The following FAM167A variants were observed in gnomAD, a reference collection of about 807,000 sequenced individuals.
The protein encoded by FAM167A is family with sequence similarity 167 member A, also known as protein FAM167A.
In FAM167A, 23 loss-of-function variants were observed where a neutral mutation model predicts 14.9. The observed-to-expected ratio is 1.55, with a 90% CI of 1.11 to 2.19. The LOEUF (loss-of-function observed/expected upper bound fraction) is 2.19. FAM167A is among the 30% of genes most tolerant of loss of function. The pLI is 0.00. For missense variants in FAM167A, 401 were observed against 281.5 expected, an observed-to-expected ratio of 1.42 and a Z score of -3.04; for synonymous variants, 174 against 117.7, an observed-to-expected ratio of 1.48 and a Z score of -3.10.
At chr8:11,429,395 T>G (rs1418240790) in intron 2 of FAM167A, among the ~76,000 whole-genome samples, 1 of 152,176 alleles carries the variant, frequency 6.6e-6, no homozygotes, top group East Asian at 1.9e-4. Flanking sequence ...CTGCGCCAGT[T>G]CAGGAGAGCA....
intron 2 of FAM167A, among the ~76,000 whole-genome samples, chr8:11,425,587 C>T (rs1434744767): frequency 6.6e-6 from 1 of 152,162 alleles, no homozygotes; most frequent in Non-Finnish European, 1.5e-5. Context: ...CAAGCCCGCT[C>T]TTCATCAAGA....
Position 11,440,515 on chromosome 8 carries a change from C to T in FAM167A, c.381+3516G>A, listed in dbSNP as rs577349384. ...GCCTTTTAGCTGGTCTTGCAGGAGG[C>T]GGGAGCAGATTAAGACGATGCTTCC... On this transcript the variant is annotated intron_variant, in intron 2 of 2. Coordinates refer to ENST00000284486, the MANE Select transcript of FAM167A (RefSeq NM_053279.3). 4.9e-3 allele frequency among the ~76,000 whole-genome samples: 753 copies of T among 152,274 alleles called. 3 individuals carry two copies. The highest frequency in any genetic ancestry group is 8.1e-3 in the Non-Finnish European group (550 of 68,020).
At position 11,423,277 on chromosome 8, in the gene FAM167A, G is replaced by C. The variant is rs922671993; in HGVS notation, c.*1096C>G. The C allele has an allele frequency of 6.6e-6, 1 of 152,530 alleles. No homozygotes were observed. The highest frequency in any genetic ancestry group is 2.4e-5 in the African/African-American group (1 of 41,578). 9.4% of individuals were successfully genotyped at this position (152,530 alleles called of 1,614,324 possible). The stretch of plus-strand genomic sequence containing the variant: ...TCTTAACTTGCTGATCCTCAAGCCT[G>C]TTGGGAGGGAGAAACTCTTAAAATC... On this transcript the variant is annotated 3_prime_UTR_variant, in exon 3 of 3. Transcript: ENST00000284486.
intron 2 of FAM167A, among the ~76,000 whole-genome samples, chr8:11,436,334 A>T (rs1806011796): frequency 6.6e-6 from 1 of 152,116 alleles, no homozygotes; most frequent in African/African-American, 2.4e-5. Context: ...TCCCCTGGAG[A>T]GCAAGTGGGG....
At chr8:11,462,324 A>T (rs952120521) in intron 1 of FAM167A, among the ~76,000 whole-genome samples, 2 of 152,120 alleles carry the variant, frequency 1.3e-5, no homozygotes, top group African/African-American at 4.8e-5. Context: ...AACAGATTCA[A>T]CCCTCCTAGG....
chr8:11,465,170 G>A (rs1041143450), intron 1 of FAM167A, among the ~76,000 whole-genome samples: 2 of 152,180 alleles, frequency 1.3e-5, no homozygotes, highest in Admixed American at 6.5e-5. Flanking sequence ...GCTCCACAGG[G>A]TTCCTCAAGC....
At chr8:11,452,685 CAG>C (rs1036051114) in intron 1 of FAM167A, among the ~76,000 whole-genome samples, 1 of 152,208 alleles carries the variant, frequency 6.6e-6, no homozygotes, top group Non-Finnish European at 1.5e-5. Context: ...GGTGAGGAAA[CAG>C]ATAACTTTTC....
intron 1 of FAM167A, among the ~76,000 whole-genome samples, chr8:11,473,336 C>G (rs985408836): frequency 6.6e-6 from 1 of 151,964 alleles, no homozygotes; most frequent in African/African-American, 2.4e-5. Flanking sequence ...TCAGGAAGGC[C>G]GAGACATGAG....
Position 11,444,224 on chromosome 8 carries a change from G to C in FAM167A, c.188C>G (p.Pro63Arg), listed in dbSNP as rs147319341. ...LEEHTWPFPRPAAEPQASLEE... is the reference protein window; with the variant it reads ...LEEHTWPFPRRAAEPQASLEE... Reference sequence around the variant, plus strand: ...CAAGCTCGCCTGTGGCTCCGCAGCCGGCCTCGGGAAGGGCCAGGTATGCTC... The same window carrying C: ...CAAGCTCGCCTGTGGCTCCGCAGCCCGCCTCGGGAAGGGCCAGGTATGCTC... The change falls in exon 2 of 3, where the codon CCG becomes CGG. Residue 63 changes from proline (P) to arginine (R), a missense_variant. Coordinates refer to ENST00000284486, the MANE Select transcript of FAM167A (RefSeq NM_053279.3). 3 of 1,612,186 alleles carry C rather than the reference G, an allele frequency of 1.9e-6. No homozygotes were observed. Among genetic ancestry groups the C allele is most frequent in the Non-Finnish European group, 1.7e-6 (2 of 1,179,792 alleles).
intron 2 of FAM167A, among the ~76,000 whole-genome samples, chr8:11,443,189 G>T (rs1259863752): frequency 1.3e-5 from 2 of 152,194 alleles, no homozygotes; most frequent in Admixed American, 6.5e-5. Flanking sequence ...GTGCTGCTGA[G>T]AGGCTGTCGT....
At chr8:11,426,521 C>T (rs1805169794) in intron 2 of FAM167A, among the ~76,000 whole-genome samples, 1 of 152,158 alleles carries the variant, frequency 6.6e-6, no homozygotes, top group South Asian at 2.1e-4. Context: ...CACTGTAAAC[C>T]AAAAGTGTCT....
chr8:11,427,909 G>C (rs1805296234), intron 2 of FAM167A, among the ~76,000 whole-genome samples: 1 of 152,146 alleles, frequency 6.6e-6, no homozygotes, highest in South Asian at 2.1e-4. Context: ...TGATAGGGTG[G>C]CTGGTCATTT....
chr8:11,447,183 C>CTTTT (rs1554528477), intron 1 of FAM167A, among the ~76,000 whole-genome samples: 7 of 147,014 alleles, frequency 4.8e-5, no homozygotes, highest in African/African-American at 1.0e-4. Context: ...GGTTTCTTTT[C>CTTTT]TTTTTCTTTT....
In FAM167A at chr8:11,473,617, G is replaced by A. The variant is rs532221365; in HGVS notation, c.-398+2249C>T. Among the ~76,000 whole-genome samples, 10 of 152,280 alleles carry A rather than the reference G, an allele frequency of 6.6e-5. No homozygotes were observed. The East Asian group carries it at 7.7e-4, about 12-fold the overall frequency. The stretch of plus-strand genomic sequence containing the variant: ...CCATCCCCATCCTGGCCAGGGAGGT[G>A]GGGAGGAAGTGTACGCAGTGCAGGG... On this transcript the variant is annotated intron_variant, in intron 1 of 1. Transcript: ENST00000648766.
chr8:11,435,379 C>T (rs542695088), intron 2 of FAM167A, among the ~76,000 whole-genome samples: 3 of 152,360 alleles, frequency 2.0e-5, no homozygotes, highest in African/African-American at 7.2e-5. Flanking sequence ...GTCTAGATGA[C>T]AAAACACCAG....
intron 2 of FAM167A, among the ~76,000 whole-genome samples, chr8:11,439,276 G>C (rs1036020804): frequency 3.3e-5 from 5 of 152,252 alleles, no homozygotes; most frequent in African/African-American, 7.2e-5. Context: ...CCCTAGATGG[G>C]GGGTATCAAC....
Position 11,429,126 on chromosome 8 carries a change from C to G in FAM167A, c.382-4490G>C, listed in dbSNP as rs548530283. ...ATCCATCAAACACTAACTCCCCATC[C>G]CCCTCCTCCAGCCCCTGGCACCCAC... On this transcript the variant is annotated intron_variant, in intron 2 of 2. Coordinates refer to ENST00000284486, the MANE Select transcript of FAM167A (RefSeq NM_053279.3). Among the ~76,000 whole-genome samples the G allele has an allele frequency of 3.4e-4, 52 of 152,220 alleles. No individual in the cohort carries two copies. The South Asian group carries it at 0.01, about 30-fold the overall frequency.
chr8:11,444,241 G>A lies in FAM167A; in HGVS notation c.171C>T (p.Thr57=), dbSNP rs1806639231. The change falls in exon 2 of 3, where the codon ACC becomes ACT. Residue 57 remains threonine, a synonymous_variant. Coordinates refer to ENST00000284486, the MANE Select transcript of FAM167A (RefSeq NM_053279.3). ...LEWQARLEEH[T]WPFPRPAAEP... is the part of the protein sequence containing the mutation. ...CCGCAGCCGGCCTCGGGAAGGGCCA[G>A]GTATGCTCCTCCAGCCTGGCCTGCC... is the stretch of plus-strand genomic sequence containing the variant. 6.2e-7 allele frequency: 1 copy of A among 1,612,062 alleles called. No individual in the cohort carries two copies. Among genetic ancestry groups the A allele is most frequent in the East Asian group, 2.2e-5 (1 of 44,864 alleles).
At chr8:11,466,469 G>A (rs1807774300) in intron 1 of FAM167A, among the ~76,000 whole-genome samples, 157 bp downstream of exon 1, 1 of 146,818 alleles carries the variant, frequency 6.8e-6, no homozygotes, top group Non-Finnish European at 1.5e-5. Context: ...GGGGCGGTAG[G>A]AGCGCGTCCC....
Sources: gnomAD v4.1 joint callset for allele counts (sites outside exome capture counted in the v4.1 genomes callset) on GRCh38, gnomAD v4.1.1 for gene constraint, MANE v1.5 for transcripts, NCBI Gene and HGNC (gene_info 2026-07-23, HGNC 2026-07-21) for gene names.